The following BCAR1 variants were observed in gnomAD, a reference collection of about 807,000 sequenced individuals.
The protein encoded by BCAR1 is BCAR1 scaffold protein, Cas family member, also known as breast cancer anti-estrogen resistance protein 1.
A neutral mutation model predicts 67.6 loss-of-function variants in BCAR1; 30 were observed. The ratio of observed to expected loss-of-function variants is 0.44; its 90% CI spans 0.33 to 0.60. The LOEUF is 0.60. BCAR1 is among the 20% of genes least tolerant of loss of function. The pLI is 0.02. For missense variants in BCAR1, 1,313 were observed against 1,222.3 expected (o/e 1.07, Z -1.11); for synonymous variants, 626 against 556.7 (o/e 1.12, Z -1.75).
At chr16:75,250,556 G>A (rs745518182) in intron 1 of BCAR1, 112 of 840,182 alleles carry the variant, frequency 1.3e-4, no homozygotes, top group Non-Finnish European at 1.5e-4. Flanking sequence ...GAGCCTTGTG[G>A]TAGAAAAGGA....
rs1179397409 is a variant in BCAR1, at chr16:75,233,744, A to C, written c.2100+102T>G. 3.2e-6 allele frequency: 4 copies of C among 1,232,572 alleles called. No individual in the cohort carries two copies. In the African/African-American group the frequency reaches 6.0e-5, roughly 19 times the overall value. 76.4% of individuals were successfully genotyped at this position (1,232,572 alleles called of 1,614,324 possible). A position where few individuals can be genotyped will look rare whatever the true frequency, so the allele number is the denominator to read the frequency against. ...GCCCAGCTCTGAGCACTGTCAGACA[A>C]CATGAGAAGCTGGGGACCCGGGGTC... On this transcript the variant is annotated intron_variant, in intron 6 of 6. Transcript: ENST00000162330.
At position 75,235,031 on chromosome 16, in the gene BCAR1, G is replaced by A. The variant is rs2077051931; in HGVS notation, c.1868C>T (p.Pro623Leu). The A allele has an allele frequency of 6.2e-7, 1 of 1,613,166 alleles. No homozygotes were observed. Among genetic ancestry groups the A allele is most frequent in the African/African-American group, 1.3e-5 (1 of 74,942 alleles). Reference protein sequence around the residue: ...PGPEGGGTLHPNPTDKTSSIQ... With the variant: ...PGPEGGGTLHLNPTDKTSSIQ... ...GCTGCTGGTCTTGTCAGTGGGGTTG[G>A]GGTGCAGGGTGCCACCCCCCTCAGG... Residue 623 changes from proline (P) to leucine (L), a missense_variant, in exon 5 of 7, where the codon CCC becomes CTC. This residue lies in a region of BCAR1 where 1,272 missense variants were observed against 1,137.5 expected (regional missense o/e 1.12). Transcript: ENST00000162330.
intron 1 of BCAR1, chr16:75,249,643 T>G (rs1174944720): frequency 2.0e-5 from 3 of 152,260 alleles, no homozygotes; most frequent in African/African-American, 7.2e-5. Context: ...GCTGACCAGT[T>G]GGTTTAGCCG....
chr16:75,252,219 C>CA (rs1226469932), upstream of BCAR1: 6 of 1,536,646 alleles, frequency 3.9e-6, no homozygotes, highest in South Asian at 7.1e-5. Flanking sequence ...CAGCGCTTTT[C>CA]ACGGGCAGCA....
At chr16:75,243,213 G>T in intron 1 of BCAR1, 123 bp from the exon 2 acceptor site, 1 of 1,057,904 alleles carries the variant, frequency 9.5e-7, no homozygotes, top group Non-Finnish European at 1.4e-6. Context: ...ACTCAGTGGA[G>T]TTTGGCGAGA....
At chr16:75,247,811 A>G in intron 1 of BCAR1, 1 of 549,992 alleles carries the variant, frequency 1.8e-6, no homozygotes. Context: ...CACCCAGCAA[A>G]TATGACCTCA....
At chr16:75,264,698 C>T (rs754410086) in intron 1 of BCAR1, 22 of 1,219,284 alleles carry the variant, frequency 1.8e-5, no homozygotes, top group Non-Finnish European at 2.2e-5. Flanking sequence ...CTCTGGTCAT[C>T]TGCACTCACT....
intron 1 of BCAR1, chr16:75,247,969 GT>G (rs1395517376): frequency 3.5e-6 from 3 of 854,612 alleles, no homozygotes; most frequent in South Asian, 1.3e-5. Context: ...GAACAGCACA[GT>G]TCCTCCCTGC....
At chr16:75,242,305 C>G (rs1391969285) in intron 2 of BCAR1, among the ~76,000 whole-genome samples, 165 bp downstream of exon 2, 2 of 152,222 alleles carry the variant, frequency 1.3e-5, no homozygotes, top group African/African-American at 4.8e-5. Flanking sequence ...CTTCCCCGGA[C>G]AAATGAACAC....
chr16:75,266,826 C>T (rs965503815), intron 1 of BCAR1: 2 of 1,313,254 alleles, frequency 1.5e-6, no homozygotes, highest in Non-Finnish European at 9.9e-7. Context: ...CGGAGGTCAG[C>T]GCTGCCCACC....
At chr16:75,232,520 C>T (rs1409014478) in intron 6 of BCAR1, among the ~76,000 whole-genome samples, 1 of 151,492 alleles carries the variant, frequency 6.6e-6, no homozygotes, top group African/African-American at 2.4e-5. Context: ...GGTCTCAAAC[C>T]CTTGGCCTCA....
chr16:75,242,630 G>C lies in BCAR1; in HGVS notation c.473C>G (p.Pro158Arg), dbSNP rs375372285. 1.3e-6 allele frequency: 2 copies of C among 1,515,022 alleles called. No individual in the cohort carries two copies. Among genetic ancestry groups the C allele is most frequent in the African/African-American group, 2.8e-5 (2 of 71,588 alleles). The allele number at this position is 1,515,022 out of a possible 1,614,324, so 93.8% of individuals were successfully genotyped here. Residue 158 changes from proline to arginine, a missense_variant, in exon 2 of 7, where the codon CCC becomes CGC. Physicochemically the swap from Pro to Arg is moderately radical, Grantham distance 103. This residue lies in a region of BCAR1 where 1,272 missense variants were observed against 1,137.5 expected (regional missense o/e 1.12). Coordinates refer to ENST00000162330, the MANE Select transcript of BCAR1 (RefSeq NM_014567.5). ...FSKQTPHHPF[P>R]SPATDLYQVP... is the part of the protein sequence containing the mutation. ...CTGGTACAGGTCTGTGGCCGGGCTG[G>C]GAAACGGGTGATGGGGTGTCTGCTT...
Position 75,242,990 on chromosome 16 carries a change from T to C in BCAR1, c.113A>G (p.Gln38Arg). Residue 38 changes from glutamine (Q) to arginine (R), a missense_variant, in exon 2 of 7, where the codon CAG becomes CGG. Gln to Arg is a conservative substitution (Grantham distance 43, BLOSUM62 1). Transcript: ENST00000162330. ...GCAGAGCCACCAGCCGTCCAGGCCCTGCGTGTCCTGCTCCAGCACCGTCAT... is the reference window on the plus strand; with the variant it reads ...GCAGAGCCACCAGCCGTCCAGGCCCCGCGTGTCCTGCTCCAGCACCGTCAT... ...DIMTVLEQDTQGLDGWWLCSL... is the reference protein window; with the variant it reads ...DIMTVLEQDTRGLDGWWLCSL... 1.1e-5 allele frequency: 17 copies of C among 1,613,498 alleles called. No homozygotes were observed. Among genetic ancestry groups the C allele is most frequent in the Non-Finnish European group, 1.3e-5 (15 of 1,179,886 alleles).
intron 1 of BCAR1, chr16:75,245,964 C>CTTTCTTT (rs2077505952): frequency 2.0e-5 from 1 of 49,634 alleles, no homozygotes; most frequent in Non-Finnish European, 3.6e-5. Flanking sequence ...TAGGATTGTT[C>CTTTCTTT]TTTTTTTTTT....
chr16:75,263,896 C>A (rs894861025), intron 1 of BCAR1: 2 of 1,039,454 alleles, frequency 1.9e-6, no homozygotes, highest in Non-Finnish European at 2.3e-6. Context: ...AAAATGAATT[C>A]TCCTCTTGGC....
rs770550289 is a variant in BCAR1, at chr16:75,229,955, C to T, written c.2169G>A (p.Thr723=). ...RPIDHDLANW[T]PAQPLAPGRT... is the part of the protein sequence containing the mutation. Reference sequence around the variant, plus strand: ...GCCCCGGGGCCAGGGGTTGGGCTGGCGTCCAGTTGGCCAGGTCGTGGTCTA... The same window carrying T: ...GCCCCGGGGCCAGGGGTTGGGCTGGTGTCCAGTTGGCCAGGTCGTGGTCTA... Residue 723 remains threonine (T), a synonymous_variant, in exon 7 of 7, where the codon ACG becomes ACA. Transcript: ENST00000162330. 1.0e-5 allele frequency: 16 copies of T among 1,596,358 alleles called. No homozygotes were observed. The highest frequency in any genetic ancestry group is 6.8e-5 in the Admixed American group (4 of 58,912).
intron 6 of BCAR1, among the ~76,000 whole-genome samples, chr16:75,231,731 C>T (rs894918660): frequency 2.6e-5 from 4 of 152,252 alleles, no homozygotes; most frequent in Admixed American, 6.5e-5. Flanking sequence ...ACTCTGGGAA[C>T]AGCCTAAGTG....
upstream of BCAR1, chr16:75,251,771 A>G: frequency 1.4e-6 from 1 of 729,726 alleles, no homozygotes; most frequent in Non-Finnish European, 1.7e-6. Context: ...CCCGCCCAGT[A>G]GGGGCCGCCC....
At chr16:75,265,794 G>A in intron 1 of BCAR1, 1 of 1,197,906 alleles carries the variant, frequency 8.3e-7, no homozygotes, top group Non-Finnish European at 1.0e-6. Flanking sequence ...GGGGACAGCC[G>A]GCCCGGGGTC....
Sources: gnomAD v4.1 joint callset for allele counts (sites outside exome capture counted in the v4.1 genomes callset) on GRCh38, gnomAD v4.1.1 for gene constraint, gnomAD v4.1.1 regional missense constraint, MANE v1.5 for transcripts, NCBI Gene and HGNC (gene_info 2026-07-23, HGNC 2026-07-21) for gene names.